PIEZO2: variants seen among roughly 807,000 people sequenced by gnomAD.
PIEZO2 encodes the protein piezo type mechanosensitive ion channel component 2, also known as piezo-type mechanosensitive ion channel component 2.
In PIEZO2, 172 loss-of-function variants were observed where a neutral mutation model predicts 337.3. That is an observed-to-expected ratio of 0.51 (90% CI 0.45 to 0.58). The LOEUF (loss-of-function observed/expected upper bound fraction) is 0.58. PIEZO2 is among the 20% of genes least tolerant of loss of function. The probability of loss-of-function intolerance (pLI) is 0.00; values close to 1 mark genes in which losing one functional copy is unlikely to be tolerated. For missense variants in PIEZO2, 3,028 were observed against 3,391.3 expected (o/e 0.89, Z 2.66); for synonymous variants, 1,251 against 1,228.5 (o/e 1.02, Z -0.38).
At chr18:11,103,846 T>C (rs2039486851) in intron 1 of PIEZO2, among the ~76,000 whole-genome samples, 1 of 151,720 alleles carries the variant, frequency 6.6e-6, no homozygotes, top group African/African-American at 2.4e-5. Context: ...TGTGACGGAG[T>C]CTTGCTCTGT....
At chr18:10,869,489 A>G (rs1447965993) in intron 5 of PIEZO2, among the ~76,000 whole-genome samples, 1 of 152,128 alleles carries the variant, frequency 6.6e-6, no homozygotes, top group Admixed American at 6.5e-5. Context: ...ACAAACAAAA[A>G]CTTGCTTTTA....
intron 3 of PIEZO2, among the ~76,000 whole-genome samples, chr18:10,967,420 A>C (rs1213635390): frequency 6.6e-6 from 1 of 152,152 alleles, no homozygotes; most frequent in African/African-American, 2.4e-5. Context: ...TGTGTGTGCA[A>C]GCATTTTTTT....
chr18:11,114,580 G>T (rs886683993), intron 1 of PIEZO2, among the ~76,000 whole-genome samples: 1 of 152,096 alleles, frequency 6.6e-6, no homozygotes, highest in African/African-American at 2.4e-5. Flanking sequence ...TAAGAGAATT[G>T]CTTGAACCTG....
intron 3 of PIEZO2, among the ~76,000 whole-genome samples, chr18:10,960,287 G>A (rs1042879137): frequency 6.6e-6 from 1 of 152,124 alleles, no homozygotes; most frequent in Non-Finnish European, 1.5e-5. Flanking sequence ...TAGTATAGCA[G>A]GAAGCAAAAA....
intron 3 of PIEZO2, among the ~76,000 whole-genome samples, chr18:10,961,001 G>A (rs1029469998): frequency 6.6e-6 from 1 of 152,002 alleles, no homozygotes; most frequent in Non-Finnish European, 1.5e-5. Flanking sequence ...ACATGGTGAA[G>A]CCTCGTCTCT....
rs2038610748 is a variant in PIEZO2 at position 11,078,074 on chromosome 18, CACAA to C, written c.65-11856_65-11853del. Among the ~76,000 whole-genome samples, 6 of 150,720 alleles carry C rather than the reference CACAA, an allele frequency of 4.0e-5. No homozygotes were observed. The highest frequency in any genetic ancestry group is 6.6e-5 in the Admixed American group (1 of 15,082). On this transcript the variant is annotated intron_variant, in intron 1 of 55. Coordinates refer to ENST00000674853, the MANE Select transcript of PIEZO2 (RefSeq NM_001378183.1). This position sits in a 1 kb window ranked among gnomAD's most constrained non-coding sequence, Gnocchi z 5.3. ...CACACACACACACACACACCACACACACAAAAACAAACATACACACACACAAACA... is the reference window on the plus strand; with the variant it reads ...CACACACACACACACACACCACACACAAACAAACATACACACACACAAACA...
rs2144788198 is a variant in PIEZO2 at position 10,871,357 on chromosome 18, A to G, written c.388T>C (p.Phe130Leu). 6.5e-7 allele frequency: 1 copy of G among 1,537,366 alleles called. No homozygotes were observed. Among genetic ancestry groups the G allele is most frequent in the Non-Finnish European group, 8.7e-7 (1 of 1,146,866 alleles). Residue 130 changes from phenylalanine to leucine, a missense_variant, in exon 5 of 56, where the codon TTC becomes CTC. Phe to Leu is a conservative substitution (Grantham distance 22). This residue lies in a region of PIEZO2 where 542 missense variants were observed against 605.6 expected (regional missense o/e 0.89). Coordinates refer to ENST00000674853, the MANE Select transcript of PIEZO2 (RefSeq NM_001378183.1). The part of the protein sequence containing the change: ...IRVFVPDIGM[F>L]IASLTIWLLC... Reference sequence around the variant, plus strand: ...AGCCAGATGGTCAGACTAGCAATGAACATCCCGATGTCAGGTACAAACACT... The same window carrying G: ...AGCCAGATGGTCAGACTAGCAATGAGCATCCCGATGTCAGGTACAAACACT...
chr18:10,963,922 A>G (rs1242076571), intron 3 of PIEZO2, among the ~76,000 whole-genome samples: 1 of 152,066 alleles, frequency 6.6e-6, no homozygotes, highest in African/African-American at 2.4e-5. Context: ...GGAATGTGGG[A>G]GGGGGGAGTA....
intron 1 of PIEZO2, among the ~76,000 whole-genome samples, chr18:11,124,245 C>T (rs1294631886): frequency 1.3e-5 from 2 of 152,192 alleles, no homozygotes; most frequent in Non-Finnish European, 2.9e-5. Context: ...GCATGGGAGA[C>T]TCAGCCACTT....
Position 10,979,501 on chromosome 18 carries a change from A to G in PIEZO2, c.286+34T>C. 6 of 1,441,140 alleles carry G rather than the reference A, an allele frequency of 4.2e-6. No homozygotes were observed. Among genetic ancestry groups the G allele is most frequent in the Non-Finnish European group, 5.5e-6 (6 of 1,090,704 alleles). 89.3% of individuals were successfully genotyped at this position (1,441,140 alleles called of 1,614,324 possible). ...TATGCACGTATATAAAAGAAATAAA[A>G]GAAAACAATAAAAGAAAACACCATA... is the stretch of plus-strand genomic sequence containing the variant. On this transcript the variant is annotated intron_variant, in intron 3 of 55. Coordinates refer to ENST00000674853, the MANE Select transcript of PIEZO2 (RefSeq NM_001378183.1). The surrounding 1 kb of genome is among the most constrained non-coding windows in gnomAD (Gnocchi z 4.0).
At chr18:10,989,666 C>G (rs2035015800) in intron 2 of PIEZO2, among the ~76,000 whole-genome samples, 1 of 151,964 alleles carries the variant, frequency 6.6e-6, no homozygotes, top group African/African-American at 2.4e-5. Flanking sequence ...AAGGTCAACC[C>G]ACAGAAATAC....
intron 47 of PIEZO2, among the ~76,000 whole-genome samples, chr18:10,694,818 G>T (rs2035012088): frequency 6.6e-6 from 1 of 151,668 alleles, no homozygotes; most frequent in Admixed American, 6.6e-5. Context: ...CTGGGTGATG[G>T]AGTGAGATTT....
At chr18:11,134,409 A>T (rs890629538) in intron 1 of PIEZO2, among the ~76,000 whole-genome samples, 2 of 152,200 alleles carry the variant, frequency 1.3e-5, no homozygotes, top group Non-Finnish European at 2.9e-5. Flanking sequence ...CGTAAGAAAA[A>T]GGCAGTCCCA....
rs1012780989 is a variant in PIEZO2, at chr18:11,129,396, G to A, written c.64+19129C>T. ...AGCGGCAATCAGAATAGTCTCATTC[G>A]TGTAGAGCTCTGGCATTGGCTAATT... is the stretch of plus-strand genomic sequence containing the variant. On this transcript the variant is annotated intron_variant, in intron 1 of 55. Coordinates refer to ENST00000674853, the MANE Select transcript of PIEZO2 (RefSeq NM_001378183.1). The surrounding 1 kb of genome is among the most constrained non-coding windows in gnomAD (Gnocchi z 4.6). 6.6e-5 allele frequency among the ~76,000 whole-genome samples: 10 copies of A among 152,186 alleles called. No individual in the cohort carries two copies. The highest frequency in any genetic ancestry group is 2.1e-4 in the South Asian group (1 of 4,830).
rs547076833 is a variant in PIEZO2 at position 11,097,385 on chromosome 18, G to C, written c.65-31163C>G. On this transcript the variant is annotated intron_variant, in intron 1 of 55. Transcript: ENST00000674853. This position sits in a 1 kb window ranked among gnomAD's most constrained non-coding sequence, Gnocchi z 5.0. ...GTCTCACGACTGCAACAGAGCCGGC[G>C]TGCTGTGCAACGCCTGACTCATTAA... Among the ~76,000 whole-genome samples, 2 of 152,184 alleles carry C rather than the reference G, an allele frequency of 1.3e-5. No individual in the cohort carries two copies. Among genetic ancestry groups the C allele is most frequent in the African/African-American group, 4.8e-5 (2 of 41,440 alleles).
chr18:10,759,040 G>T lies in PIEZO2; in HGVS notation c.3757+442C>A, dbSNP rs947614568. Among the ~76,000 whole-genome samples the T allele has an allele frequency of 5.9e-5, 9 of 152,186 alleles. No individual in the cohort carries two copies. The highest frequency in any genetic ancestry group is 2.2e-4 in the African/African-American group (9 of 41,428). On this transcript the variant is annotated intron_variant, in intron 26 of 55. Coordinates refer to ENST00000674853, the MANE Select transcript of PIEZO2 (RefSeq NM_001378183.1). This position sits in a 1 kb window ranked among gnomAD's most constrained non-coding sequence, Gnocchi z 5.5. ...CCAGCTGCCATGGGAAGGCCTTGGG[G>T]CTGCAGCCCAATTCTAGAGCAACTA... is the stretch of plus-strand genomic sequence containing the variant.
chr18:10,688,600 G>T (rs903434197), intron 49 of PIEZO2, among the ~76,000 whole-genome samples: 1 of 152,236 alleles, frequency 6.6e-6, no homozygotes, highest in Non-Finnish European at 1.5e-5. Flanking sequence ...GGGAGCTTTT[G>T]CCTACCTGTC....
rs1340505575 is a variant in PIEZO2, at chr18:10,830,335, G to T, written c.918-23061C>A. Reference sequence around the variant, plus strand: ...AAAGACCTCAAACTGTGAAACTACTGCAAGAAAACATTGGGAAAAATCTCC... The same window carrying T: ...AAAGACCTCAAACTGTGAAACTACTTCAAGAAAACATTGGGAAAAATCTCC... On this transcript the variant is annotated intron_variant, in intron 7 of 55. Coordinates refer to ENST00000674853, the MANE Select transcript of PIEZO2 (RefSeq NM_001378183.1). The surrounding 1 kb of genome is among the most constrained non-coding windows in gnomAD (Gnocchi z 4.7). Among the ~76,000 whole-genome samples the T allele has an allele frequency of 6.6e-6, 1 of 152,114 alleles. No homozygotes were observed. Among genetic ancestry groups the T allele is most frequent in the Non-Finnish European group, 1.5e-5 (1 of 68,012 alleles).
chr18:10,701,834 CT>C (rs778832042), intron 43 of PIEZO2, 154 bp downstream of exon 43: 6,059 of 442,740 alleles, frequency 0.014, no homozygotes, highest in Non-Finnish European at 0.017. Flanking sequence ...TTTTCTCTCT[CT>C]TTTTTTTTTT....
Sources: allele counts gnomAD v4.1 joint callset (sites outside exome capture counted in the v4.1 genomes callset), GRCh38; gene constraint gnomAD v4.1.1; regional missense constraint gnomAD v4.1.1; non-coding constraint Gnocchi (gnomAD v3.1); transcripts MANE v1.5; gene names NCBI Gene and HGNC (gene_info 2026-07-23, HGNC 2026-07-21).